Variants in LYRM4 observed in about 807,000 individuals in gnomAD.
LYRM4 encodes the protein LYR motif containing 4.
LYRM4 carries 9 observed loss-of-function variants against 11.7 expected under a neutral mutation model. That is an observed-to-expected ratio of 0.77 (90% CI 0.46 to 1.34). LYRM4 has a LOEUF of 1.34. Among genes scored for constraint, LYRM4 ranks in the 40% most tolerant of loss-of-function variants. The probability of loss-of-function intolerance (pLI) is 0.00; values close to 1 mark genes in which losing one functional copy is unlikely to be tolerated. For missense variants in LYRM4, 133 were observed against 112.5 expected, an observed-to-expected ratio of 1.18 and a Z score of -0.82; for synonymous variants, 42 against 40.4, an observed-to-expected ratio of 1.04 and a Z score of -0.15.
the LYRM4 span, among the ~76,000 whole-genome samples, chr6:5,048,733 A>G: frequency 6.4e-4 from 98 of 152,306 alleles, 3 homozygotes; most frequent in Middle Eastern, 6.8e-3. Context: ...ACAATGATTC[A>G]TGGAGGCATA....
the LYRM4 span, chr6:5,033,596 C>T: frequency 6.6e-6 from 1 of 152,534 alleles, no homozygotes; most frequent in Non-Finnish European, 1.5e-5. Context: ...CATCCATCTC[C>T]TAACCAGTCT....
At chr6:5,097,655 A>C in the LYRM4 span, among the ~76,000 whole-genome samples, 6 of 152,114 alleles carry the variant, frequency 3.9e-5, no homozygotes, top group Non-Finnish European at 5.9e-5. Flanking sequence ...CCGGCCAATA[A>C]ATTAATATAT....
At chr6:5,174,688 A>G (rs893363948) in intron 2 of LYRM4, among the ~76,000 whole-genome samples, 12 of 152,190 alleles carry the variant, frequency 7.9e-5, no homozygotes, top group African/African-American at 2.7e-4. Flanking sequence ...ACTTTTATTT[A>G]GTCTTTACAC....
At chr6:5,151,467 G>C (rs1758085134) in intron 2 of LYRM4, among the ~76,000 whole-genome samples, 1 of 152,072 alleles carries the variant, frequency 6.6e-6, no homozygotes, top group Non-Finnish European at 1.5e-5. Context: ...CTTCACAGTT[G>C]TTGCCTCCAG....
At chr6:5,257,720 C>T (rs1300401013) in intron 1 of LYRM4, among the ~76,000 whole-genome samples, 1 of 152,164 alleles carries the variant, frequency 6.6e-6, no homozygotes, top group Non-Finnish European at 1.5e-5. Context: ...TTATGAGAAT[C>T]TAATGCCTGA....
chr6:5,185,716 A>C (rs1329550327), intron 2 of LYRM4, among the ~76,000 whole-genome samples: 1 of 152,116 alleles, frequency 6.6e-6, no homozygotes, highest in Non-Finnish European at 1.5e-5. Flanking sequence ...CGGTTTCAAC[A>C]CCTGTGCTCT....
At position 5,154,387 on chromosome 6, in the gene LYRM4, G is replaced by A. The variant is rs115867056; in HGVS notation, c.208-44896C>T. Among the ~76,000 whole-genome samples the A allele has an allele frequency of 6.9e-3, 1,055 of 152,240 alleles. 15 individuals are homozygous for A. Among genetic ancestry groups the A allele is most frequent in the African/African-American group, 0.024 (1,001 of 41,556 alleles). ...CTATTCCCCCATCTCCAGCTCCCAA[G>A]CCCCAGGGTGGGTGAGAAAGGAGGT... On this transcript the variant is annotated intron_variant, in intron 2 of 2. Coordinates refer to ENST00000330636, the MANE Select transcript of LYRM4 (RefSeq NM_020408.6).
downstream of LYRM4, chr6:5,102,763 A>T (rs1762543272): frequency 6.6e-6 from 1 of 152,222 alleles, no homozygotes; most frequent in South Asian, 2.1e-4. Flanking sequence ...AGGTGTGGTT[A>T]GCCTGAGACC....
intron 2 of LYRM4, among the ~76,000 whole-genome samples, chr6:5,183,149 A>T (rs1253713491): frequency 6.6e-6 from 1 of 152,222 alleles, no homozygotes; most frequent in Non-Finnish European, 1.5e-5. Flanking sequence ...TTAGAAAGAC[A>T]TTCAGAGATG....
chr6:5,099,705 G>A (rs545869606), downstream of LYRM4, among the ~76,000 whole-genome samples: 6 of 152,238 alleles, frequency 3.9e-5, no homozygotes, highest in African/African-American at 1.4e-4. This position sits in a 1 kb window ranked among gnomAD's most constrained non-coding sequence, Gnocchi z 4.3. Flanking sequence ...GGCTTCCTGA[G>A]TTGCTGGGAT....
At chr6:5,122,898 G>A (rs1224806792) in intron 2 of LYRM4, among the ~76,000 whole-genome samples, 1 of 152,230 alleles carries the variant, frequency 6.6e-6, no homozygotes, top group Non-Finnish European at 1.5e-5. Flanking sequence ...CCCAATGGCT[G>A]CAGTATGTTC....
At chr6:5,182,292 A>C (rs1760122163) in intron 2 of LYRM4, among the ~76,000 whole-genome samples, 1 of 152,238 alleles carries the variant, frequency 6.6e-6, no homozygotes, top group South Asian at 2.1e-4. Flanking sequence ...AAATAGGTGG[A>C]ATTGTAAATG....
chr6:5,186,939 GTT>G, intron 2 of LYRM4: 1 of 471,756 alleles, frequency 2.1e-6, no homozygotes, highest in Non-Finnish European at 2.8e-6. Flanking sequence ...AGCTGAGATC[GTT>G]CCAATGCACT....
At chr6:5,234,485 A>G (rs1763422650) in intron 1 of LYRM4, among the ~76,000 whole-genome samples, 1 of 152,240 alleles carries the variant, frequency 6.6e-6, no homozygotes, top group African/African-American at 2.4e-5. Context: ...TAACAGGAGT[A>G]TACACAGTGC....
chr6:5,144,624 CA>C (rs71540849), intron 2 of LYRM4, among the ~76,000 whole-genome samples: 1,109 of 37,450 alleles, frequency 0.03, no homozygotes, highest in East Asian at 0.033. Context: ...GACTCCGTCT[CA>C]AAAAAAAAAA....
downstream of LYRM4, among the ~76,000 whole-genome samples, chr6:5,100,431 T>C (rs1034177940): frequency 1.3e-5 from 2 of 152,210 alleles, no homozygotes; most frequent in African/African-American, 4.8e-5. Flanking sequence ...GGATGGAAGA[T>C]GACTGCTCTG....
intron 2 of LYRM4, among the ~76,000 whole-genome samples, chr6:5,112,513 T>C (rs394252): frequency 0.64 from 97,791 of 152,108 alleles, 32,079 homozygotes; most frequent in East Asian, 0.93. Flanking sequence ...CCAGAAAACC[T>C]GAAGGAGCCC....
the LYRM4 span, among the ~76,000 whole-genome samples, chr6:5,034,965 A>T: frequency 6.6e-6 from 1 of 151,884 alleles, no homozygotes. Flanking sequence ...AATTGTAAAA[A>T]TACCCGCTGA....
intron 2 of LYRM4, among the ~76,000 whole-genome samples, chr6:5,116,327 T>C (rs551254818): frequency 2.0e-5 from 3 of 152,298 alleles, no homozygotes; most frequent in Admixed American, 2.0e-4. Flanking sequence ...GGATTCTATA[T>C]GGGATTTTCA....
Sources: gnomAD v4.1 joint callset for allele counts (sites outside exome capture counted in the v4.1 genomes callset) on GRCh38, gnomAD v4.1.1 for gene constraint, Gnocchi (gnomAD v3.1) non-coding constraint, MANE v1.5 for transcripts, NCBI Gene and HGNC (gene_info 2026-07-23, HGNC 2026-07-21) for gene names.